The following HEATR9 variants were observed in gnomAD, a reference collection of about 807,000 sequenced individuals.
The protein encoded by HEATR9 is HEAT repeat containing 9, also known as protein HEATR9.
HEATR9 carries 54 observed loss-of-function variants against 68.2 expected under a neutral mutation model. That is an observed-to-expected ratio of 0.79 (90% CI 0.64 to 0.99). HEATR9 has a LOEUF of 0.99. HEATR9 is among the 50% of genes least tolerant of loss of function. The probability of loss-of-function intolerance (pLI) is 0.00; values close to 1 mark genes in which losing one functional copy is unlikely to be tolerated. For synonymous variants in HEATR9, 241 were observed against 253.5 expected (o/e 0.95, Z 0.47); for missense variants, 662 against 679.7 (o/e 0.97, Z 0.29).
chr17:35,860,411 G>A (rs1167438662), intron 8 of HEATR9, among the ~76,000 whole-genome samples: 1 of 146,126 alleles, frequency 6.8e-6, no homozygotes, highest in Non-Finnish European at 1.5e-5. Flanking sequence ...AAAAAAACAA[G>A]AACTTTGCTA....
chr17:35,866,148 A>C (rs1440538029), intron 2 of HEATR9, among the ~76,000 whole-genome samples: 1 of 152,092 alleles, frequency 6.6e-6, no homozygotes, highest in African/African-American at 2.4e-5. Flanking sequence ...CTTTGTACTG[A>C]AGAGATCATA....
In HEATR9 at chr17:35,856,849, G is replaced by C. The variant is rs942858983; in HGVS notation, c.1153-44C>G. ...GAGTCAACAGAGAGAGGGAATGCAA[G>C]GGTGTACACTTAAGAGCCTCTCAAA... On this transcript the variant is annotated intron_variant, in intron 11 of 14. Transcript: ENST00000604834. The C allele has an allele frequency of 3.3e-6, 5 of 1,507,500 alleles. No individual in the cohort carries two copies. In the Admixed American group the frequency reaches 7.5e-5, roughly 23 times the overall value. The allele number at this position is 1,507,500 out of a possible 1,614,324, so 93.4% of individuals were successfully genotyped here. A position where few individuals can be genotyped will look rare whatever the true frequency, so the allele number is the denominator to read the frequency against.
rs2087842124 is a variant in HEATR9 at position 35,858,146 on chromosome 17, G to A, written c.1152+54C>T. 48 of 1,611,570 alleles carry A rather than the reference G, an allele frequency of 3.0e-5. No homozygotes were observed. The South Asian group carries it at 4.0e-4, about 13-fold the overall frequency. ...AGGCCAGGGGAGGTCTCCAGAACAC[G>A]GAAAAGAGAAAGGTTTGGGTGTCTC... On this transcript the variant is annotated intron_variant, in intron 11 of 14. Coordinates refer to ENST00000604834, the MANE Select transcript of HEATR9 (RefSeq NM_152781.4).
chr17:35,864,623 C>CATCCA, intron 4 of HEATR9, 70 bp from the exon 5 acceptor site: 1 of 1,586,024 alleles, frequency 6.3e-7, no homozygotes, highest in Non-Finnish European at 8.6e-7. Flanking sequence ...AAAGGGAGCT[C>CATCCA]ATCCAATCCA....
chr17:35,864,778 G>T lies in HEATR9; in HGVS notation c.433C>A (p.Leu145Met), dbSNP rs1315108989. 3 of 1,614,074 alleles carry T rather than the reference G, an allele frequency of 1.9e-6. No homozygotes were observed. Among genetic ancestry groups the T allele is most frequent in the Non-Finnish European group, 1.7e-6 (2 of 1,180,036 alleles). The change falls in exon 4 of 15, where the codon CTG (leucine) becomes ATG (methionine). Residue 145 changes from leucine to methionine, a missense_variant. By Grantham distance (15) the Leu-to-Met change is conservative. Coordinates refer to ENST00000604834, the MANE Select transcript of HEATR9 (RefSeq NM_152781.4). ...SRPLEPTQDP[L>M]KWQRLRELTK... Reference sequence around the variant, plus strand: ...CTGACCCTTAATCTTTGCCACTTCAGGGGGTCCTGGGTAGGCTCTAAGGGC... The same window carrying T: ...CTGACCCTTAATCTTTGCCACTTCATGGGGTCCTGGGTAGGCTCTAAGGGC...
chr17:35,864,948 G>A, intron 3 of HEATR9, 58 bp from the exon 4 acceptor site: 1 of 1,606,928 alleles, frequency 6.2e-7, no homozygotes, highest in Non-Finnish European at 8.5e-7. Context: ...TCCTCAGGTT[G>A]CAACCTCACT....
Position 35,858,528 on chromosome 17 carries a change from A to G in HEATR9, c.940-3T>C, listed in dbSNP as rs1412775995. On this transcript the variant is annotated splice_region_variant and splice_polypyrimidine_tract_variant and intron_variant, in intron 9 of 14. Transcript: ENST00000604834. The stretch of plus-strand genomic sequence containing the variant: ...ACCTTGACCAGCATCCTAAGTGCCT[A>G]TGAGGGGGCAGGGTAGGGCAGGGTG... The G allele has an allele frequency of 1.2e-5, 19 of 1,599,148 alleles. No individual in the cohort carries two copies. Among genetic ancestry groups the G allele is most frequent in the East Asian group, 2.3e-5 (1 of 44,102 alleles).
rs1598567646 is a variant in HEATR9 at position 35,855,369 on chromosome 17, C to T, written c.1407G>A (p.Trp469Ter). 6.2e-7 allele frequency: 1 copy of T among 1,614,012 alleles called. No individual in the cohort carries two copies. Among genetic ancestry groups the T allele is most frequent in the South Asian group, 1.1e-5 (1 of 91,076 alleles). ...CCTTGTTTTTCAGCTTGTTTTGGAT[C>T]CAGGGATCAATTGAGGCACAAAGGA... ...TLILCASIDP[W>*]IQNKLKNKVL... Residue 469 changes from tryptophan to a stop codon, truncating the protein, a stop_gained, in exon 15 of 15, where the codon TGG becomes TGA. Transcript: ENST00000604834. LOFTEE classifies it low-confidence loss of function (END_TRUNC).
At chr17:35,866,088 T>C (rs2088189767) in intron 2 of HEATR9, among the ~76,000 whole-genome samples, 1 of 152,220 alleles carries the variant, frequency 6.6e-6, no homozygotes, top group Admixed American at 6.5e-5. Flanking sequence ...TTTCACTCTT[T>C]GCAACAGATC....
rs2087730669 is a variant in HEATR9, at chr17:35,855,267, T to C, written c.1509A>G (p.Pro503=). The change falls in exon 15 of 15, where the codon CCA becomes CCG. Residue 503 remains proline (P), a synonymous_variant. Transcript: ENST00000604834. ...PTRFQKEPEN[P]EELTIQDFRL... The stretch of plus-strand genomic sequence containing the variant: ...GAAAGTCTTGAATAGTTAACTCTTC[T>C]GGGTTCTCAGGCTCTTTCTGGAACC... The C allele has an allele frequency of 1.2e-6, 2 of 1,614,124 alleles. No individual in the cohort carries two copies. Among genetic ancestry groups the C allele is most frequent in the South Asian group, 1.1e-5 (1 of 91,094 alleles).
intron 11 of HEATR9, 48 bp downstream of exon 11, chr17:35,858,152 G>A (rs900379267): frequency 4.3e-6 from 7 of 1,612,802 alleles, no homozygotes; most frequent in Non-Finnish European, 5.9e-6. Context: ...ACACGGAAAA[G>A]AGAAAGGTTT....
In HEATR9 at chr17:35,866,786, A is replaced by C. The variant is rs751405980; in HGVS notation, c.89-13T>G. 1.3e-5 allele frequency: 21 copies of C among 1,613,490 alleles called. No homozygotes were observed. Among genetic ancestry groups the C allele is most frequent in the Non-Finnish European group, 1.8e-5 (21 of 1,179,422 alleles). ...GCTTTTCTGAGTTCTGGCAAGAGGG[A>C]TAAGAGTATGTGTGTGGTTCAAATG... On this transcript the variant is annotated splice_polypyrimidine_tract_variant and intron_variant, in intron 1 of 14. Coordinates refer to ENST00000604834, the MANE Select transcript of HEATR9 (RefSeq NM_152781.4).
intron 1 of HEATR9, among the ~76,000 whole-genome samples, chr17:35,867,033 C>T (rs1472708249): frequency 6.6e-6 from 1 of 151,640 alleles, no homozygotes; most frequent in Non-Finnish European, 1.5e-5. Context: ...GGGCGGATCA[C>T]GAGGTCAGGA....
chr17:35,856,081 A>G (rs2143872364), intron 13 of HEATR9, 92 bp downstream of exon 13: 1 of 1,350,758 alleles, frequency 7.4e-7, no homozygotes. Flanking sequence ...CGAAGTTTAC[A>G]GGCCTTTATT....
At chr17:35,865,022 G>T in intron 3 of HEATR9, 132 bp from the exon 4 acceptor site, 1 of 1,383,114 alleles carries the variant, frequency 7.2e-7, no homozygotes, top group Non-Finnish European at 1.0e-6. Flanking sequence ...AGGACTCAGT[G>T]ATATCCACCA....
chr17:35,859,439 CCA>C, intron 8 of HEATR9, among the ~76,000 whole-genome samples: 1 of 152,334 alleles, frequency 6.6e-6, no homozygotes, highest in Admixed American at 6.5e-5. Context: ...TCCATAATCT[CCA>C]TTTCATGGAT....
chr17:35,857,488 A>G (rs994995628), intron 11 of HEATR9, among the ~76,000 whole-genome samples: 9 of 152,116 alleles, frequency 5.9e-5, no homozygotes, highest in Non-Finnish European at 7.4e-5. Context: ...GGCCGGGCGC[A>G]GTGGCTCACG....
intron 3 of HEATR9, 100 bp from the exon 4 acceptor site, chr17:35,864,990 T>A: frequency 6.7e-7 from 1 of 1,499,296 alleles, no homozygotes; most frequent in Non-Finnish European, 9.2e-7. Context: ...AGCTCAGATA[T>A]GGGACCAGAG....
intron 1 of HEATR9, 88 bp from the exon 2 acceptor site, chr17:35,866,861 A>T: frequency 7.4e-7 from 1 of 1,358,968 alleles, no homozygotes; most frequent in Non-Finnish European, 1.1e-6. Flanking sequence ...TAATCCCAGC[A>T]CTTTGGGAAG....
Sources: gnomAD v4.1 joint callset for allele counts (sites outside exome capture counted in the v4.1 genomes callset) on GRCh38, gnomAD v4.1.1 for gene constraint, MANE v1.5 for transcripts, NCBI Gene and HGNC (gene_info 2026-07-23, HGNC 2026-07-21) for gene names.